The following SHTN1 variants were observed in gnomAD, a reference collection of about 807,000 sequenced individuals.
The protein encoded by SHTN1 is shootin-1.
In SHTN1, 42 loss-of-function variants were observed where a neutral mutation model predicts 83.1. The ratio of observed to expected loss-of-function variants is 0.51; its 90% CI spans 0.39 to 0.65. The LOEUF (loss-of-function observed/expected upper bound fraction) is 0.65. Ranked by LOEUF, SHTN1 falls within the 30% of genes least tolerant of loss-of-function variation. The pLI, the probability that SHTN1 is intolerant of heterozygous loss-of-function variation, is 0.00. For synonymous variants in SHTN1, 224 were observed against 247.7 expected, an observed-to-expected ratio of 0.90 and a Z score of 0.90; for missense variants, 622 against 737.8, an observed-to-expected ratio of 0.84 and a Z score of 1.82.
intron 2 of SHTN1, among the ~76,000 whole-genome samples, chr10:117,040,832 A>C (rs1246489961): frequency 6.6e-6 from 1 of 152,102 alleles, no homozygotes; most frequent in African/African-American, 2.4e-5. Flanking sequence ...TTATTGAAAT[A>C]GTTTAACAAA....
At chr10:117,074,456 T>G (rs992771008) in intron 1 of SHTN1, among the ~76,000 whole-genome samples, 2 of 152,194 alleles carry the variant, frequency 1.3e-5, no homozygotes, top group Non-Finnish European at 2.9e-5. Flanking sequence ...TGAAATTATA[T>G]GCAAAATTGT....
intron 1 of SHTN1, among the ~76,000 whole-genome samples, chr10:117,091,737 C>T (rs1236502673): frequency 6.6e-6 from 1 of 152,182 alleles, no homozygotes; most frequent in African/African-American, 2.4e-5. Context: ...AAAATATGGT[C>T]CCTTGCCCTA....
intron 8 of SHTN1, 42 bp downstream of exon 8, chr10:116,944,880 ACT>A (rs1849518465): frequency 1.6e-6 from 2 of 1,240,346 alleles, no homozygotes; most frequent in Non-Finnish European, 2.4e-6. Flanking sequence ...ACAGAGCGAG[ACT>A]CTGTCTCAAG....
intron 2 of SHTN1, among the ~76,000 whole-genome samples, chr10:117,024,405 A>AGTG (rs1852302836): frequency 8.1e-6 from 1 of 122,720 alleles, no homozygotes. Flanking sequence ...CCCAGGCTGG[A>AGTG]GTGCAGTGGC....
At chr10:117,094,688 A>G (rs923116709) in intron 1 of SHTN1, among the ~76,000 whole-genome samples, 51 of 152,320 alleles carry the variant, frequency 3.3e-4, no homozygotes, top group African/African-American at 1.2e-3. Context: ...GTAAATATAT[A>G]TTATCATTAA....
At chr10:117,085,921 T>TA (rs1386117149) in intron 1 of SHTN1, among the ~76,000 whole-genome samples, 1 of 146,952 alleles carries the variant, frequency 6.8e-6, no homozygotes, top group Non-Finnish European at 1.5e-5. Context: ...TTGTCTGATT[T>TA]TTTTTTTTTT....
intron 2 of SHTN1, among the ~76,000 whole-genome samples, chr10:117,013,412 G>C (rs531767230): frequency 6.6e-6 from 1 of 152,280 alleles, no homozygotes; most frequent in Non-Finnish European, 1.5e-5. Flanking sequence ...GATCTCAGGT[G>C]ATCTGCCCAC....
At chr10:117,070,455 A>C (rs1853063994) in intron 1 of SHTN1, among the ~76,000 whole-genome samples, 1 of 151,380 alleles carries the variant, frequency 6.6e-6, no homozygotes, top group East Asian at 1.9e-4. Context: ...CACCTTCCTT[A>C]TTCCCAGCAA....
At position 116,964,416 on chromosome 10, in the gene SHTN1, T is replaced by G. The variant is rs188416141; in HGVS notation, c.173-4186A>C. ...TAAAACCATTTCTAGGTGACTCTAC[T>G]TTTCTATAGTCCTTTCTAATTCATT... On this transcript the variant is annotated intron_variant, in intron 3 of 16. Coordinates refer to ENST00000355371, the MANE Select transcript of SHTN1 (RefSeq NM_001127211.3). Among the ~76,000 whole-genome samples, 76 of 152,332 alleles carry G rather than the reference T, an allele frequency of 5.0e-4. 1 individual carries two copies. The highest frequency in any genetic ancestry group is 1.6e-4 in the Non-Finnish European group (11 of 68,032).
intron 2 of SHTN1, among the ~76,000 whole-genome samples, chr10:117,019,357 A>G (rs1053506175): frequency 6.6e-6 from 1 of 151,848 alleles, no homozygotes; most frequent in Admixed American, 6.6e-5. Flanking sequence ...CTAATTTTTA[A>G]AAGTTTTGTA....
intron 2 of SHTN1, among the ~76,000 whole-genome samples, chr10:117,019,144 A>G (rs1009249953): frequency 1.5e-4 from 23 of 152,322 alleles, no homozygotes; most frequent in African/African-American, 5.3e-4. Flanking sequence ...GAAATTTTAA[A>G]AAAGATTCCA....
upstream of SHTN1, chr10:117,005,253 G>A (rs1257660589): frequency 1.6e-4 from 230 of 1,457,356 alleles, no homozygotes; most frequent in Non-Finnish European, 2.1e-4. Flanking sequence ...TCATCCCCAC[G>A]CACCTACTCG....
chr10:117,072,183 G>A (rs1853090545), intron 1 of SHTN1, among the ~76,000 whole-genome samples: 1 of 152,144 alleles, frequency 6.6e-6, no homozygotes, highest in African/African-American at 2.4e-5. Context: ...TCCTGTGCTG[G>A]ATGCTTCCTG....
chr10:117,070,487 G>A (rs940933205), intron 1 of SHTN1, among the ~76,000 whole-genome samples: 4 of 151,676 alleles, frequency 2.6e-5, no homozygotes, highest in Non-Finnish European at 4.4e-5. Context: ...AGAATTTAAC[G>A]AGTTGCAGTC....
chr10:116,884,659 T>C lies in SHTN1; in HGVS notation c.*1685A>G. 6.1e-6 allele frequency: 1 copy of C among 164,478 alleles called. No individual in the cohort carries two copies. Among genetic ancestry groups the C allele is most frequent in the Non-Finnish European group, 1.3e-5 (1 of 74,370 alleles). The allele number at this position is 164,478 out of a possible 1,614,324, so 10.2% of individuals were successfully genotyped here. On this transcript the variant is annotated 3_prime_UTR_variant, in exon 17 of 17. Transcript: ENST00000355371. The stretch of plus-strand genomic sequence containing the variant: ...AGAAGGAAGACAGCACAAAGAAACA[T>C]GAAAGAAAACTCAATAAACCATCTT...
chr10:117,044,353 A>G (rs1164434771), intron 2 of SHTN1, among the ~76,000 whole-genome samples: 1 of 152,110 alleles, frequency 6.6e-6, no homozygotes, highest in Non-Finnish European at 1.5e-5. Flanking sequence ...AAAGCTACAT[A>G]GTGTTCAACT....
chr10:117,033,240 A>G (rs973443994), intron 2 of SHTN1, among the ~76,000 whole-genome samples: 2 of 152,154 alleles, frequency 1.3e-5, no homozygotes, highest in Non-Finnish European at 1.5e-5. Flanking sequence ...AAGATTGATG[A>G]AACAAAAAGT....
chr10:117,084,591 T>C (rs1031092942), intron 1 of SHTN1, among the ~76,000 whole-genome samples: 55 of 152,336 alleles, frequency 3.6e-4, no homozygotes, highest in African/African-American at 1.3e-3. Flanking sequence ...GGCTGCTTTG[T>C]TTACCTAAGC....
chr10:116,906,833 T>C, intron 14 of SHTN1, 86 bp from the exon 15 acceptor site: 1 of 1,094,586 alleles, frequency 9.1e-7, no homozygotes, highest in South Asian at 2.3e-5. Flanking sequence ...ATGAAAACAT[T>C]ACCAGAATTT....
Sources: gnomAD v4.1 joint callset for allele counts (sites outside exome capture counted in the v4.1 genomes callset) on GRCh38, gnomAD v4.1.1 for gene constraint, MANE v1.5 for transcripts, NCBI Gene and HGNC (gene_info 2026-07-23, HGNC 2026-07-21) for gene names.